Variants in CAPN12 observed in about 807,000 individuals in gnomAD.
CAPN12 encodes calpain-12.
Under a neutral mutation model 95.0 loss-of-function variants are expected in CAPN12, and 107 were observed. The ratio of observed to expected loss-of-function variants is 1.13; its 90% CI spans 0.96 to 1.32. The LOEUF (loss-of-function observed/expected upper bound fraction) is 1.32, where lower values mean the gene tolerates loss of function less well. Ranked by LOEUF, CAPN12 falls within the 40% of genes most tolerant of loss-of-function variation. The probability of loss-of-function intolerance (pLI) is 0.00; values close to 1 mark genes in which losing one functional copy is unlikely to be tolerated. For synonymous variants in CAPN12, 505 were observed against 415.5 expected, an observed-to-expected ratio of 1.22 and a Z score of -2.62; for missense variants, 1,136 against 997.8, an observed-to-expected ratio of 1.14 and a Z score of -1.87.
At chr19:38,731,932 C>T (rs1969647354) in intron 18 of CAPN12, among the ~76,000 whole-genome samples, 1 of 152,274 alleles carries the variant, frequency 6.6e-6, no homozygotes, top group African/African-American at 2.4e-5. Context: ...CTCTTCCTGC[C>T]CGTGTGACCT....
intron 14 of CAPN12, chr19:38,735,081 C>T (rs969779741): frequency 1.7e-6 from 1 of 604,696 alleles, no homozygotes; most frequent in South Asian, 2.1e-5. Flanking sequence ...CGGCCTGGGG[C>T]AGGGGGGTGG....
At chr19:38,739,186 C>T (rs1970399330) in intron 5 of CAPN12, 1 of 163,326 alleles carries the variant, frequency 6.1e-6, no homozygotes, top group African/African-American at 2.4e-5. Flanking sequence ...TGTGGTGGCT[C>T]ACACCTGTAA....
chr19:38,735,060 G>A (rs1353396430), intron 14 of CAPN12, 190 bp from the exon 15 acceptor site: 7 of 625,114 alleles, frequency 1.1e-5, no homozygotes, highest in African/African-American at 1.8e-5. Flanking sequence ...GCTGGTGGGG[G>A]GCCAGCAGAC....
Position 38,743,977 on chromosome 19 carries a change from C to A in CAPN12, c.189G>T (p.Leu63=), listed in dbSNP as rs1970742578. ...CTTTGGCCTTCTCCGAGTCCGGCCC[C>A]AGCTGGTCATAGCCAAGGGCATCAG... ...AGPDALGYDQ[L]GPDSEKAKGV... The change falls in exon 1 of 21, where the codon CTG becomes CTT. Residue 63 remains leucine (L), a synonymous_variant. Transcript: ENST00000328867. 1.9e-6 allele frequency: 3 copies of A among 1,614,142 alleles called. No homozygotes were observed. Among genetic ancestry groups the A allele is most frequent in the Non-Finnish European group, 2.5e-6 (3 of 1,180,060 alleles).
At position 38,738,632 on chromosome 19, in the gene CAPN12, T is replaced by C; in HGVS notation, c.746A>G (p.Tyr249Cys). The part of the protein sequence containing the change: ...GATALSDRGE[Y>C]RTEEGLVKGH... ...CTTTACCAGGCCCTCTTCTGTGCGG[T>C]ACTCACCCCGATCACTCTGGGCAGG... The change falls in exon 6 of 21, where the codon TAC becomes TGC. Residue 249 changes from tyrosine to cysteine, a missense_variant. By Grantham distance (194) the Tyr-to-Cys change is radical. Transcript: ENST00000328867. 1 of 1,613,960 alleles carries C rather than the reference T, an allele frequency of 6.2e-7. No homozygotes were observed. The highest frequency in any genetic ancestry group is 1.6e-4 in the Middle Eastern group (1 of 6,062).
chr19:38,730,621 T>C lies in CAPN12; in HGVS notation c.*231A>G, dbSNP rs2145129831. The C allele has an allele frequency of 6.6e-6, 4 of 607,058 alleles. No homozygotes were observed. In the South Asian group the frequency reaches 7.8e-5, roughly 12 times the overall value. The allele number at this position is 607,058 out of a possible 1,614,324, so 37.6% of individuals were successfully genotyped here. A position where few individuals can be genotyped will look rare whatever the true frequency, so the allele number is the denominator to read the frequency against. On this transcript the variant is annotated 3_prime_UTR_variant, in exon 21 of 21. Transcript: ENST00000328867. ...GCAGAGCTAGCACTGTCTTAAGCTG[T>C]CAACGTGGACTAGCTCGTGTCATCT...
intron 14 of CAPN12, 107 bp downstream of exon 14, chr19:38,735,263 G>T (rs781518162): frequency 4.3e-6 from 5 of 1,160,844 alleles, no homozygotes; most frequent in Non-Finnish European, 6.0e-6. Flanking sequence ...CCCGGAGGGA[G>T]GAAAAAGCAA....
rs112720316 is a variant in CAPN12 at position 38,743,479 on chromosome 19, G to A, written c.238-377C>T. ...CCTCAGACCCAGGAGTCCAGGTCCCGAGCCCCTCCTCCCTCAGACCCAAGA... is the reference window on the plus strand; with the variant it reads ...CCTCAGACCCAGGAGTCCAGGTCCCAAGCCCCTCCTCCCTCAGACCCAAGA... On this transcript the variant is annotated intron_variant, in intron 1 of 20. Coordinates refer to ENST00000328867, the MANE Select transcript of CAPN12 (RefSeq NM_144691.4). 2.2e-3 allele frequency among the ~76,000 whole-genome samples: 150 copies of A among 67,822 alleles called. 12 individuals are homozygous for A. Among genetic ancestry groups the A allele is most frequent in the African/African-American group, 8.9e-3 (140 of 15,766 alleles). 44.5% of individuals were successfully genotyped at this position (67,822 alleles called of 152,430 possible). A position where few individuals can be genotyped will look rare whatever the true frequency, so the allele number is the denominator to read the frequency against.
intron 2 of CAPN12, among the ~76,000 whole-genome samples, 161 bp downstream of exon 2, chr19:38,742,872 A>G (rs1300050176): frequency 7.1e-6 from 1 of 140,036 alleles, no homozygotes; most frequent in Non-Finnish European, 1.6e-5. Flanking sequence ...AAAAAAAAAA[A>G]GGAAGGAAGG....
At chr19:38,737,095 CCCGGCCCCGCCCCTCCACCCT>C in intron 10 of CAPN12, 40 bp downstream of exon 10, 2 of 869,980 alleles carry the variant, frequency 2.3e-6, no homozygotes, top group East Asian at 1.3e-4. Context: ...CGCTCCTTGG[CCCGGCCCCGCCCCTCCACCCT>C]CCGGGTTCCC....
In CAPN12 at chr19:38,737,586, G is replaced by C. The variant is rs1568787588; in HGVS notation, c.1018C>G (p.Leu340Val). The change falls in exon 9 of 21, where the codon CTG (leucine) becomes GTG (valine). Residue 340 changes from leucine (L) to valine (V), a missense_variant. Leu to Val is a conservative substitution (Grantham distance 32). Coordinates refer to ENST00000328867, the MANE Select transcript of CAPN12 (RefSeq NM_144691.4). ...LHFDTVQICS[L>V]SPEVLGPSPE... ...CTGGGGCCCAGCACCTCCGGGCTCA[G>C]CGAGCAGATCTGCACGGTGTCGAAA... 6.8e-6 allele frequency: 11 copies of C among 1,612,038 alleles called. No individual in the cohort carries two copies. Among genetic ancestry groups the C allele is most frequent in the Non-Finnish European group, 7.6e-6 (9 of 1,179,718 alleles).
chr19:38,733,751 A>G lies in CAPN12; in HGVS notation c.1909T>C (p.Ser637Pro). ...AGCTCGTAGGAGTTCATGGTTCCAG[A>G]GGTGTCCTCATCGAACTTGTTAAAT... ...AIFNKFDEDTSGTMNSYELRL... is the reference protein window; with the variant it reads ...AIFNKFDEDTPGTMNSYELRL... Residue 637 changes from serine (S) to proline (P), a missense_variant, in exon 18 of 21, where the codon TCT becomes CCT. Physicochemically the swap from Ser to Pro is moderately conservative, Grantham distance 74 (BLOSUM62 -1). Coordinates refer to ENST00000328867, the MANE Select transcript of CAPN12 (RefSeq NM_144691.4). 1 of 1,613,622 alleles carries G rather than the reference A, an allele frequency of 6.2e-7. No homozygotes were observed.
intron 8 of CAPN12, 70 bp from the exon 9 acceptor site, chr19:38,737,708 C>T (rs1310970374): frequency 6.9e-7 from 1 of 1,450,200 alleles, no homozygotes; most frequent in Non-Finnish European, 9.1e-7. Flanking sequence ...GGAAATGACT[C>T]CCAGATCCCA....
chr19:38,742,768 T>TTGAG (rs1970625576), intron 2 of CAPN12, among the ~76,000 whole-genome samples: 1 of 149,206 alleles, frequency 6.7e-6, no homozygotes, highest in Non-Finnish European at 1.5e-5. Flanking sequence ...GGAAGATTGC[T>TTGAG]TGAGTCCAGG....
chr19:38,736,604 G>C, intron 10 of CAPN12, 41 bp from the exon 11 acceptor site: 1 of 1,583,196 alleles, frequency 6.3e-7, no homozygotes, highest in Non-Finnish European at 8.6e-7. Context: ...GCAGGGGAGA[G>C]GTGGCCGCCG....
rs547435967 is a variant in CAPN12, at chr19:38,737,869, G to A, written c.966-231C>T. On this transcript the variant is annotated intron_variant, in intron 8 of 20. Transcript: ENST00000328867. ...GATTCACAAGCTGCCCCCAAATATC[G>A]TTAAATTGCCACCAACCCCCAAATA... 7.9e-5 allele frequency among the ~76,000 whole-genome samples: 12 copies of A among 152,042 alleles called. No individual in the cohort carries two copies. The South Asian group carries it at 2.3e-3, about 29-fold the overall frequency.
At position 38,736,382 on chromosome 19, in the gene CAPN12, C is replaced by CAGCGCGCCCCGTCCACCCTGCCT. The variant is rs1970151951; in HGVS notation, c.1375-87_1375-65dup. 10 of 1,486,402 alleles carry CAGCGCGCCCCGTCCACCCTGCCT rather than the reference C, an allele frequency of 6.7e-6. No individual in the cohort carries two copies. In the East Asian group the frequency reaches 2.5e-4, roughly 38 times the overall value. The allele number at this position is 1,486,402 out of a possible 1,614,324, so 92.1% of individuals were successfully genotyped here. A position where few individuals can be genotyped will look rare whatever the true frequency, so the allele number is the denominator to read the frequency against. On this transcript the variant is annotated intron_variant, in intron 11 of 20. Coordinates refer to ENST00000328867, the MANE Select transcript of CAPN12 (RefSeq NM_144691.4). ...CCCGGCCCTTCATCCCCGCACCCTC[C>CAGCGCGCCCCGTCCACCCTGCCT]AGCGCGCCCCGTCCACCCTGCCTAA...
chr19:38,736,107 C>G lies in CAPN12; in HGVS notation c.1583+3G>C. On this transcript the variant is annotated splice_donor_region_variant and intron_variant, in intron 12 of 20. Coordinates refer to ENST00000328867, the MANE Select transcript of CAPN12 (RefSeq NM_144691.4). ...GGGTCGGATTTGGGTGCCCGGGGCTCACACGGCCGTGTGGCGGCGCTCGGA... is the reference window on the plus strand; with the variant it reads ...GGGTCGGATTTGGGTGCCCGGGGCTGACACGGCCGTGTGGCGGCGCTCGGA... 6.7e-7 allele frequency: 1 copy of G among 1,495,316 alleles called. No individual in the cohort carries two copies. The highest frequency in any genetic ancestry group is 2.8e-5 in the East Asian group (1 of 35,814). 92.6% of individuals were successfully genotyped at this position (1,495,316 alleles called of 1,614,324 possible).
In CAPN12 at chr19:38,735,499, C is replaced by T. The variant is rs375455644; in HGVS notation, c.1626+3G>A. 7 of 1,611,160 alleles carry T rather than the reference C, an allele frequency of 4.3e-6. No individual in the cohort carries two copies. In the African/African-American group the frequency reaches 5.4e-5, roughly 12 times the overall value. The stretch of plus-strand genomic sequence containing the variant: ...ATGCCGCCCCTCCAGGAACAGTCCC[C>T]ACCTGGAGAGACTGCAGGTCTGCGC... On this transcript the variant is annotated splice_donor_region_variant and intron_variant, in intron 13 of 20. Coordinates refer to ENST00000328867, the MANE Select transcript of CAPN12 (RefSeq NM_144691.4).
Sources: allele counts gnomAD v4.1 joint callset (sites outside exome capture counted in the v4.1 genomes callset), GRCh38; gene constraint gnomAD v4.1.1; transcripts MANE v1.5; gene names NCBI Gene and HGNC (gene_info 2026-07-23, HGNC 2026-07-21).